The following AIM2 variants were observed in gnomAD, a reference collection of about 807,000 sequenced individuals.
AIM2 encodes the protein absent in melanoma 2, also known as interferon-inducible protein AIM2.
Under a neutral mutation model 27.7 loss-of-function variants are expected in AIM2, and 30 were observed. The observed-to-expected ratio is 1.08, with a 90% confidence interval of 0.81 to 1.47. The LOEUF (loss-of-function observed/expected upper bound fraction) is 1.47, where lower values mean the gene tolerates loss of function less well. AIM2 is among the 40% of genes most tolerant of loss of function. The pLI, the probability that AIM2 is intolerant of heterozygous loss-of-function variation, is 0.00. For synonymous variants in AIM2, 141 were observed against 145.3 expected, an observed-to-expected ratio of 0.97 and a Z score of 0.21; for missense variants, 358 against 411.3, an observed-to-expected ratio of 0.87 and a Z score of 1.12.
At chr1:159,141,472 G>A (rs1209839186), upstream of AIM2, among the ~76,000 whole-genome samples, 3 of 152,056 alleles carry the variant, frequency 2.0e-5, no homozygotes, top group East Asian at 5.8e-4. Context: ...AGAGGGAGGG[G>A]ACACAAAAAG....
intron 1 of AIM2, among the ~76,000 whole-genome samples, chr1:159,139,240 T>C (rs867961343): frequency 6.6e-6 from 1 of 152,228 alleles, no homozygotes; most frequent in South Asian, 2.1e-4. Context: ...AGGGACCACA[T>C]GCTCTCTGAA....
intron 1 of AIM2, among the ~76,000 whole-genome samples, chr1:159,127,843 G>C (rs895689238): frequency 2.6e-5 from 4 of 152,140 alleles, no homozygotes; most frequent in African/African-American, 9.7e-5. Flanking sequence ...TAAACCACCA[G>C]GTCTGTGGCA....
intron 1 of AIM2, among the ~76,000 whole-genome samples, chr1:159,083,781 G>T (rs528613639): frequency 6.6e-6 from 1 of 152,246 alleles, no homozygotes; most frequent in South Asian, 2.1e-4. Flanking sequence ...AGTGAATTTG[G>T]AAAGGTCCAA....
At chr1:159,082,608 G>C (rs1377894986) in intron 1 of AIM2, among the ~76,000 whole-genome samples, 2 of 152,044 alleles carry the variant, frequency 1.3e-5, no homozygotes, top group Admixed American at 6.6e-5. Flanking sequence ...GCTTTTTGCT[G>C]TGTCCTCACA....
Position 159,068,585 on chromosome 1 carries a change from C to A in AIM2, c.379G>T (p.Val127Phe), listed in dbSNP as rs199621187. 6.2e-5 allele frequency: 100 copies of A among 1,612,932 alleles called. No individual in the cohort carries two copies. In the East Asian group the frequency reaches 2.2e-3, roughly 35 times the overall value. ...DVAKQRAAPK[V>F]SPHVKPEQKQ... is the part of the protein sequence containing the mutation. ...TATCCTACCTTAACATGAGGAGAGA[C>A]TTTTGGTGCAGCACGTTGCTTTGCG... Residue 127 changes from valine (V) to phenylalanine (F), a missense_variant, in exon 3 of 6, where the codon GTC becomes TTC. Coordinates refer to ENST00000368130, the MANE Select transcript of AIM2 (RefSeq NM_004833.3).
chr1:159,091,814 G>C (rs1322720305), intron 1 of AIM2, among the ~76,000 whole-genome samples: 1 of 152,200 alleles, frequency 6.6e-6, no homozygotes, highest in African/African-American at 2.4e-5. Context: ...CTATTGAAAA[G>C]GGCCTGCTTA....
chr1:159,145,496 A>G (rs1355777321), upstream of AIM2, among the ~76,000 whole-genome samples: 1 of 152,212 alleles, frequency 6.6e-6, no homozygotes, highest in Non-Finnish European at 1.5e-5. Context: ...ACAATTCAGC[A>G]TGAGAATCAA....
chr1:159,097,099 C>A (rs1381379910), intron 1 of AIM2, among the ~76,000 whole-genome samples: 5 of 151,962 alleles, frequency 3.3e-5, no homozygotes, highest in Non-Finnish European at 7.4e-5. Flanking sequence ...CTGCAGGAGA[C>A]AGAAAAGTCT....
chr1:159,063,797 A>T, intron 4 of AIM2, 123 bp from the exon 5 acceptor site: 1 of 1,055,762 alleles, frequency 9.5e-7, no homozygotes, highest in Non-Finnish European at 1.4e-6. Context: ...AACAACACAG[A>T]TTTTACCTGT....
upstream of AIM2, among the ~76,000 whole-genome samples, chr1:159,143,677 C>A (rs1381898804): frequency 6.6e-6 from 1 of 151,820 alleles, no homozygotes; most frequent in Non-Finnish European, 1.5e-5. Context: ...ATCTATCAGC[C>A]CCCTGAGTGA....
At chr1:159,124,917 A>G (rs1392588986) in intron 1 of AIM2, among the ~76,000 whole-genome samples, 2 of 152,222 alleles carry the variant, frequency 1.3e-5, no homozygotes, top group Admixed American at 6.5e-5. Flanking sequence ...TCCAAACCAC[A>G]TCAAGCTAGA....
rs757192058 is a variant in AIM2 at position 159,063,543 on chromosome 1, T to G, written c.948A>C (p.Thr316=). The G allele has an allele frequency of 6.2e-7, 1 of 1,614,190 alleles. No individual in the cohort carries two copies. Among genetic ancestry groups the G allele is most frequent in the East Asian group, 2.2e-5 (1 of 44,882 alleles). ...EGDKVRLTFF[T]LSKNGEKLQL... is the part of the protein sequence containing the mutation. ...GTAGTTTTTCTCCATTTTTTGACAG[T>G]GTGAAGAATGTAAGTCGAACCTTAT... Residue 316 remains threonine (T), a synonymous_variant, in exon 5 of 6, where the codon ACA becomes ACC. Transcript: ENST00000368130.
At chr1:159,102,786 G>A (rs529393699) in intron 1 of AIM2, among the ~76,000 whole-genome samples, 2 of 152,236 alleles carry the variant, frequency 1.3e-5, no homozygotes, top group Non-Finnish European at 2.9e-5. Context: ...TTTACTTAAT[G>A]CCTGTACCCT....
rs1240276113 is a variant in AIM2, at chr1:159,073,184, AG to A, written c.262+53del. On this transcript the variant is annotated intron_variant, in intron 2 of 5. Transcript: ENST00000368130. ...TATCCCAGGGATGCCATGAAAGGAAAGGCCCAGGCTTGGCAGAAAAAGGGAC... is the reference window on the plus strand; with the variant it reads ...TATCCCAGGGATGCCATGAAAGGAAAGCCCAGGCTTGGCAGAAAAAGGGAC... 2.5e-6 allele frequency: 4 copies of A among 1,599,652 alleles called. No individual in the cohort carries two copies. The Admixed American group carries it at 6.8e-5, about 27-fold the overall frequency.
upstream of AIM2, among the ~76,000 whole-genome samples, chr1:159,145,026 C>A (rs1648177138): frequency 6.6e-6 from 1 of 152,222 alleles, no homozygotes. Context: ...AGCACAACTT[C>A]TAGAAGTGTT....
intron 1 of AIM2, among the ~76,000 whole-genome samples, chr1:159,139,058 C>T (rs1648064398): frequency 6.6e-6 from 1 of 152,208 alleles, no homozygotes; most frequent in South Asian, 2.1e-4. Flanking sequence ...AAAATCTTTT[C>T]CCCAGTCCTG....
intron 1 of AIM2, among the ~76,000 whole-genome samples, chr1:159,093,254 G>A (rs1348107887): frequency 6.6e-6 from 1 of 152,070 alleles, no homozygotes; most frequent in Non-Finnish European, 1.5e-5. Flanking sequence ...GATCTAGCAT[G>A]ATACTTCAAT....
At chr1:159,095,358 C>G (rs1402633212) in intron 1 of AIM2, among the ~76,000 whole-genome samples, 3 of 152,180 alleles carry the variant, frequency 2.0e-5, no homozygotes, top group African/African-American at 7.2e-5. Context: ...GTTTTTGTTA[C>G]AAATGTCAAC....
At position 159,063,499 on chromosome 1, in the gene AIM2, T is replaced by G; in HGVS notation, c.992A>C (p.His331Pro). ...GEKLQLTSGV[H>P]STIKVIKAKK... ...TGCAGTTCCCACCTTTATGGTGCTATGAACTCCAGATGTCAGCTGTAGTTT... is the reference window on the plus strand; with the variant it reads ...TGCAGTTCCCACCTTTATGGTGCTAGGAACTCCAGATGTCAGCTGTAGTTT... The change falls in exon 5 of 6, where the codon CAT becomes CCT. Residue 331 changes from histidine to proline, a missense_variant. Physicochemically the swap from His to Pro is moderately conservative, Grantham distance 77 (BLOSUM62 -2). Transcript: ENST00000368130. 1.2e-6 allele frequency: 2 copies of G among 1,613,492 alleles called. No homozygotes were observed. The highest frequency in any genetic ancestry group is 1.7e-6 in the Non-Finnish European group (2 of 1,179,772).
Sources: gnomAD v4.1 joint callset for allele counts (sites outside exome capture counted in the v4.1 genomes callset) on GRCh38, gnomAD v4.1.1 for gene constraint, MANE v1.5 for transcripts, NCBI Gene and HGNC (gene_info 2026-07-23, HGNC 2026-07-21) for gene names.